The following NYAP2 variants were observed in gnomAD, a reference collection of about 807,000 sequenced individuals.
The protein encoded by NYAP2 is neuronal tyrosine-phosphorylated phosphoinositide-3-kinase adaptor 2.
In NYAP2, 23 loss-of-function variants were observed where a neutral mutation model predicts 50.4. The observed-to-expected ratio is 0.46, with a 90% CI of 0.33 to 0.65. The LOEUF is 0.65. NYAP2 is among the 30% of genes least tolerant of loss of function. The probability of loss-of-function intolerance (pLI) is 0.02; values close to 1 mark genes in which losing one functional copy is unlikely to be tolerated. For missense variants in NYAP2, 885 were observed against 861.0 expected (o/e 1.03, Z -0.35); for synonymous variants, 394 against 365.2 (o/e 1.08, Z -0.90).
the NYAP2 span, among the ~76,000 whole-genome samples, chr2:225,672,578 C>T: frequency 6.6e-6 from 1 of 152,214 alleles, no homozygotes; most frequent in Admixed American, 6.5e-5. Flanking sequence ...AGAACTTTTC[C>T]TTTGCATTCA....
At chr2:225,664,094 G>A in the NYAP2 span, among the ~76,000 whole-genome samples, 3 of 152,142 alleles carry the variant, frequency 2.0e-5, no homozygotes, top group Admixed American at 6.5e-5. Flanking sequence ...TTGCATCAGA[G>A]AGGAACTCTA....
intron 3 of NYAP2, among the ~76,000 whole-genome samples, chr2:225,445,629 T>A (rs893880820): frequency 6.6e-6 from 1 of 152,012 alleles, no homozygotes; most frequent in African/African-American, 2.4e-5. Flanking sequence ...GTGATATCTT[T>A]TAAAAATATA....
intron 4 of NYAP2, among the ~76,000 whole-genome samples, chr2:225,533,137 A>T (rs1252720084): frequency 6.6e-6 from 1 of 152,220 alleles, no homozygotes; most frequent in Non-Finnish European, 1.5e-5. Flanking sequence ...AAGTGTCTTT[A>T]ACTGTTGAAA....
chr2:225,506,012 C>T (rs1690697798), intron 3 of NYAP2, among the ~76,000 whole-genome samples: 1 of 151,696 alleles, frequency 6.6e-6, no homozygotes, highest in African/African-American at 2.4e-5. Flanking sequence ...CAGGGTGATC[C>T]AACGTTTGTT....
intron 4 of NYAP2, among the ~76,000 whole-genome samples, chr2:225,555,725 A>G (rs1050432705): frequency 1.3e-5 from 2 of 152,180 alleles, no homozygotes; most frequent in Non-Finnish European, 2.9e-5. Context: ...TCTTCTGCCC[A>G]GTAAAAACAA....
intron 2 of NYAP2, among the ~76,000 whole-genome samples, chr2:225,405,652 A>G (rs1694928740): frequency 6.6e-6 from 1 of 151,982 alleles, no homozygotes. Context: ...TAGTGAGGCC[A>G]TGAATCTATT....
chr2:225,571,706 G>A (rs1416569749), intron 4 of NYAP2, among the ~76,000 whole-genome samples: 1 of 152,180 alleles, frequency 6.6e-6, no homozygotes, highest in Admixed American at 6.5e-5. Flanking sequence ...GTGATGGGAG[G>A]GGATGCTGTG....
In NYAP2 at chr2:225,513,525, G is replaced by A. The variant is rs61752215; in HGVS notation, c.376G>A (p.Gly126Ser). 6.7e-3 allele frequency: 10,826 copies of A among 1,613,550 alleles called. 77 individuals are homozygous for A. The highest frequency in any genetic ancestry group is 0.016 in the Middle Eastern group (98 of 6,062). Residue 126 changes from glycine (G) to serine (S), a missense_variant, in exon 4 of 7, where the codon GGC (glycine) becomes AGC (serine). Gly to Ser is a moderately conservative substitution (Grantham distance 56, BLOSUM62 0). Coordinates refer to ENST00000636099, the Ensembl canonical transcript of NYAP2. Reference sequence around the variant, plus strand: ...ATCACAGTCCCTGCACTCGGTTGGGGGCACAGACGATGACAGCAGCTGTGG... The same window carrying A: ...ATCACAGTCCCTGCACTCGGTTGGGAGCACAGACGATGACAGCAGCTGTGG...
rs1291339279 is a variant in NYAP2, at chr2:225,446,214, CTG to C, written c.221+37115_221+37116del. ...TCTGTCTGTCTGTCTGTCTGTCTGT[CTG>C]TCTCTCTCTCTCTCTCTCTCTCTCT... is the stretch of plus-strand genomic sequence containing the variant. On this transcript the variant is annotated intron_variant, in intron 3 of 6. Transcript: ENST00000636099. Among the ~76,000 whole-genome samples, 541 of 62,414 alleles carry C rather than the reference CTG, an allele frequency of 8.7e-3. 3 individuals are homozygous for C. The highest frequency in any genetic ancestry group is 0.025 in the African/African-American group (454 of 17,998). The allele number at this position is 62,414 out of a possible 152,430, so 40.9% of individuals were successfully genotyped here.
intron 4 of NYAP2, among the ~76,000 whole-genome samples, chr2:225,548,608 G>A (rs1421522849): frequency 6.6e-6 from 1 of 151,688 alleles, no homozygotes; most frequent in Non-Finnish European, 1.5e-5. Context: ...AATGAAAGTA[G>A]ATTTTATAGC....
At chr2:225,456,450 G>A (rs1199038336) in intron 3 of NYAP2, among the ~76,000 whole-genome samples, 4 of 152,120 alleles carry the variant, frequency 2.6e-5, no homozygotes, top group Non-Finnish European at 4.4e-5. Flanking sequence ...AGTTGAAGAA[G>A]GAAGAAAGAA....
At chr2:225,439,193 A>G (rs189824876) in intron 3 of NYAP2, among the ~76,000 whole-genome samples, 1 of 152,318 alleles carries the variant, frequency 6.6e-6, no homozygotes, top group East Asian at 1.9e-4. Flanking sequence ...GGTGGATTTA[A>G]AGGATGTACT....
chr2:225,500,994 C>G (rs1281440404), intron 3 of NYAP2, among the ~76,000 whole-genome samples: 1 of 152,172 alleles, frequency 6.6e-6, no homozygotes, highest in African/African-American at 2.4e-5. Context: ...GTATCTAATA[C>G]TGTGTCATAG....
chr2:225,536,679 T>A (rs1691356342), intron 4 of NYAP2, among the ~76,000 whole-genome samples: 1 of 152,130 alleles, frequency 6.6e-6, no homozygotes, highest in East Asian at 1.9e-4. Flanking sequence ...TACTAAACAA[T>A]CCAGTTATGC....
At chr2:225,672,531 C>T in the NYAP2 span, among the ~76,000 whole-genome samples, 13 of 152,114 alleles carry the variant, frequency 8.5e-5, no homozygotes, top group Non-Finnish European at 1.8e-4. Context: ...TTTAATCATT[C>T]AAATATTAAG....
chr2:225,613,409 T>C (rs1037623023), intron 5 of NYAP2, among the ~76,000 whole-genome samples: 14 of 152,264 alleles, frequency 9.2e-5, no homozygotes, highest in South Asian at 6.2e-4. Flanking sequence ...CCCACCCACA[T>C]TGAGGGTGGG....
rs1246042070 is a variant in NYAP2 at position 225,574,365 on chromosome 2, TC to T, written c.524-7574del. Among the ~76,000 whole-genome samples the T allele has an allele frequency of 2.6e-5, 4 of 152,186 alleles. 1 individual carries two copies. Among genetic ancestry groups the T allele is most frequent in the Non-Finnish European group, 4.4e-5 (3 of 68,034 alleles). On this transcript the variant is annotated intron_variant, in intron 4 of 6. Coordinates refer to ENST00000636099, the Ensembl canonical transcript of NYAP2. ...ATTCAGAAGTTCAGTTAGACTCATG[TC>T]CAGTTCTCCCTACTCTGAGGGCAAA...
At chr2:225,672,449 T>C in the NYAP2 span, among the ~76,000 whole-genome samples, 1 of 152,212 alleles carries the variant, frequency 6.6e-6, no homozygotes, top group African/African-American at 2.4e-5. Flanking sequence ...CTTAAGAGAA[T>C]GTGTGGCTGG....
intron 4 of NYAP2, among the ~76,000 whole-genome samples, chr2:225,561,783 C>T (rs1691880046): frequency 6.6e-6 from 1 of 152,002 alleles, no homozygotes; most frequent in South Asian, 2.1e-4. Context: ...ATTTTAGTAG[C>T]CTGCACATAT....
Sources: allele counts gnomAD v4.1 joint callset (sites outside exome capture counted in the v4.1 genomes callset), GRCh38; gene constraint gnomAD v4.1.1; transcripts MANE v1.5; gene names NCBI Gene and HGNC (gene_info 2026-07-23, HGNC 2026-07-21).